Variants in CAPN2 observed in about 807,000 individuals in gnomAD.
The protein encoded by CAPN2 is calpain 2.
A neutral mutation model predicts 102.3 loss-of-function variants in CAPN2; 92 were observed. The ratio of observed to expected loss-of-function variants is 0.90; its 90% CI spans 0.76 to 1.07. The LOEUF (loss-of-function observed/expected upper bound fraction) is 1.07. Among genes scored for constraint, CAPN2 ranks in the 50% least tolerant of loss-of-function variants. The pLI, the probability that CAPN2 is intolerant of heterozygous loss-of-function variation, is 0.00. For synonymous variants in CAPN2, 340 were observed against 355.4 expected (o/e 0.96, Z 0.49); for missense variants, 800 against 909.4 (o/e 0.88, Z 1.55).
chr1:223,764,390 A>G (rs1661263483), intron 15 of CAPN2, among the ~76,000 whole-genome samples, 183 bp downstream of exon 15: 1 of 152,240 alleles, frequency 6.6e-6, no homozygotes, highest in Non-Finnish European at 1.5e-5. Flanking sequence ...TGTAGCATCC[A>G]CAGATCAAAG....
chr1:223,768,902 C>T (rs1661401724), intron 16 of CAPN2, among the ~76,000 whole-genome samples: 2 of 152,116 alleles, frequency 1.3e-5, no homozygotes, highest in African/African-American at 4.8e-5. Flanking sequence ...AGGTCCTTCA[C>T]ATCCCTTGTA....
At chr1:223,769,678 T>A (rs550714131) in intron 16 of CAPN2, among the ~76,000 whole-genome samples, 163 bp from the exon 17 acceptor site, 1 of 152,210 alleles carries the variant, frequency 6.6e-6, no homozygotes, top group South Asian at 2.1e-4. Context: ...CTCCAATCCT[T>A]TAAATGGAGG....
rs1382824834 is a variant in CAPN2, at chr1:223,756,294, C to T, written c.1305+645C>T. Reference sequence around the variant, plus strand: ...GCTGGGCCCCTGGGCTCTCCCCACTCCCTTCTGCAAAACAAGAAAGAGCTT... The same window carrying T: ...GCTGGGCCCCTGGGCTCTCCCCACTTCCTTCTGCAAAACAAGAAAGAGCTT... On this transcript the variant is annotated intron_variant, in intron 10 of 20. Transcript: ENST00000295006. The surrounding 1 kb of genome is among the most constrained non-coding windows in gnomAD (Gnocchi z 4.1). Among the ~76,000 whole-genome samples the T allele has an allele frequency of 6.6e-6, 1 of 152,366 alleles. No individual in the cohort carries two copies. Among genetic ancestry groups the T allele is most frequent in the South Asian group, 2.1e-4 (1 of 4,830 alleles).
At chr1:223,753,236 C>T (rs540432637) in intron 9 of CAPN2, among the ~76,000 whole-genome samples, 3 of 152,318 alleles carry the variant, frequency 2.0e-5, no homozygotes, top group Admixed American at 1.3e-4. Context: ...GATTCCCCAG[C>T]GCCCATCATG....
intron 11 of CAPN2, chr1:223,757,831 C>A: frequency 5.8e-6 from 1 of 171,788 alleles, no homozygotes; most frequent in Non-Finnish European, 1.2e-5. Flanking sequence ...CTCCTCTCTG[C>A]ATTTCAGGGT....
intron 1 of CAPN2, 22 bp downstream of exon 1, chr1:223,712,899 G>A (rs1276161671): frequency 6.7e-7 from 1 of 1,483,576 alleles, no homozygotes; most frequent in Non-Finnish European, 9.0e-7. Flanking sequence ...GCGGCAGGAC[G>A]CGGGCAGGGC....
rs1187004847 is a variant in CAPN2 at position 223,725,369 on chromosome 1, C to T, written c.307+7538C>T. Among the ~76,000 whole-genome samples the T allele has an allele frequency of 6.7e-6, 1 of 150,226 alleles. No individual in the cohort carries two copies. Among genetic ancestry groups the T allele is most frequent in the African/African-American group, 2.5e-5 (1 of 40,688 alleles). ...CTGCACTCCATCCTGGGCAATAGAG[C>T]GAGACTTCATCTCAAAAAAAAAAAA... On this transcript the variant is annotated intron_variant, in intron 2 of 20. Transcript: ENST00000295006. This position sits in a 1 kb window ranked among gnomAD's most constrained non-coding sequence, Gnocchi z 4.1.
At chr1:223,769,986 C>A in intron 17 of CAPN2, 77 bp downstream of exon 17, 1 of 1,115,820 alleles carries the variant, frequency 9.0e-7, no homozygotes, top group Non-Finnish European at 1.3e-6. Context: ...GCAACTCCTG[C>A]ACAGAGTGGA....
chr1:223,710,947 G>C (rs890384599), upstream of CAPN2, among the ~76,000 whole-genome samples: 2 of 151,900 alleles, frequency 1.3e-5, no homozygotes, highest in African/African-American at 4.8e-5. Context: ...CAACCACCTC[G>C]GGCACATGTC....
At position 223,750,878 on chromosome 1, in the gene CAPN2, C is replaced by G; in HGVS notation, c.814-12C>G. 3 of 1,551,404 alleles carry G rather than the reference C, an allele frequency of 1.9e-6. No individual in the cohort carries two copies. The highest frequency in any genetic ancestry group is 1.7e-6 in the Non-Finnish European group (2 of 1,146,662). On this transcript the variant is annotated splice_polypyrimidine_tract_variant and intron_variant, in intron 6 of 20. Coordinates refer to ENST00000295006, the MANE Select transcript of CAPN2 (RefSeq NM_001748.5). ...TCAACCTCTTACTCCTCCCTTTTAT[C>G]TAATCCTGCAGGTTGAAAGTAACGG...
upstream of CAPN2, among the ~76,000 whole-genome samples, chr1:223,709,661 C>CAAAAAAAAAAAAAAAA (rs779362608): frequency 2.2e-4 from 30 of 137,814 alleles, no homozygotes; most frequent in East Asian, 1.4e-3. Flanking sequence ...AACTCCATCT[C>CAAAAAAAAAAAAAAAA]AAAAAAAAAA....
At position 223,712,863 on chromosome 1, in the gene CAPN2, T is replaced by TGGAAGCGCCCCACGGTA. The variant is rs1480104232; in HGVS notation, c.232_237+11dup. Reference sequence around the variant, plus strand: ...CTCCAGCAAAACCCGGGGCATCGAGTGGAAGCGCCCCACGGTAGGAAGCGC... The same window carrying TGGAAGCGCCCCACGGTA: ...CTCCAGCAAAACCCGGGGCATCGAGTGGAAGCGCCCCACGGTAGGAAGCGCCCCACGGTAGGAAGCGC... On this transcript the variant is annotated frameshift_variant, in exon 1 of 21. Transcript: ENST00000295006. LOFTEE classifies it high-confidence loss of function. 2.0e-6 allele frequency: 3 copies of TGGAAGCGCCCCACGGTA among 1,537,426 alleles called. No homozygotes were observed. The highest frequency in any genetic ancestry group is 2.0e-5 in the Admixed American group (1 of 50,444).
At chr1:223,764,261 AG>A (rs1661258797) in intron 15 of CAPN2, 54 bp downstream of exon 15, 1 of 1,477,102 alleles carries the variant, frequency 6.8e-7, no homozygotes, top group East Asian at 2.3e-5. Context: ...TGTGGATGGG[AG>A]GGAACATGGA....
chr1:223,752,263 G>A (rs1660922144), intron 8 of CAPN2, among the ~76,000 whole-genome samples, 192 bp downstream of exon 8: 1 of 152,178 alleles, frequency 6.6e-6, no homozygotes, highest in Admixed American at 6.5e-5. Flanking sequence ...CCCTTCAACG[G>A]TCCATCTTGA....
At chr1:223,742,518 ATTTTTTTTTT>A (rs199697766) in intron 2 of CAPN2, among the ~76,000 whole-genome samples, 93 of 114,418 alleles carry the variant, frequency 8.1e-4, no homozygotes, top group African/African-American at 2.2e-3. Context: ...ATATATATAT[ATTTTTTTTTT>A]TTTTTTTGAG....
At chr1:223,772,690 G>A (rs12038299) in intron 20 of CAPN2, 34,001 of 161,310 alleles carry the variant, frequency 0.21, 3,792 homozygotes, top group Non-Finnish European at 0.24. Flanking sequence ...CCCCGTTTAA[G>A]ATAAAACCAA....
intron 2 of CAPN2, among the ~76,000 whole-genome samples, chr1:223,728,258 A>G (rs1301364693): frequency 6.6e-6 from 1 of 152,136 alleles, no homozygotes; most frequent in Non-Finnish European, 1.5e-5. Flanking sequence ...TTGCAATCAG[A>G]TGGGGATGGG....
chr1:223,733,859 C>A (rs954552239), intron 2 of CAPN2, among the ~76,000 whole-genome samples: 2 of 152,186 alleles, frequency 1.3e-5, no homozygotes. Flanking sequence ...AGTCTTTGAA[C>A]AAATGAGCAA....
chr1:223,709,988 G>T (rs1659696478), upstream of CAPN2, among the ~76,000 whole-genome samples: 1 of 152,100 alleles, frequency 6.6e-6, no homozygotes, highest in South Asian at 2.1e-4. Flanking sequence ...CAAAAACAAT[G>T]AAAGGGGCTC....
Sources: gnomAD v4.1 joint callset for allele counts (sites outside exome capture counted in the v4.1 genomes callset) on GRCh38, gnomAD v4.1.1 for gene constraint, Gnocchi (gnomAD v3.1) non-coding constraint, MANE v1.5 for transcripts, NCBI Gene and HGNC (gene_info 2026-07-23, HGNC 2026-07-21) for gene names.